Variants in LMNTD1 observed in about 807,000 individuals in gnomAD.
LMNTD1 encodes lamin tail domain-containing protein 1.
A neutral mutation model predicts 50.9 loss-of-function variants in LMNTD1; 35 were observed. That is an observed-to-expected ratio of 0.69 (90% confidence interval 0.53 to 0.91). The LOEUF (loss-of-function observed/expected upper bound fraction) is 0.91. Among genes scored for constraint, LMNTD1 ranks in the 40% least tolerant of loss-of-function variants. LMNTD1 has a pLI of 0.00. For missense variants in LMNTD1, 470 were observed against 475.5 expected (o/e 0.99, Z 0.11); for synonymous variants, 153 against 161.9 (o/e 0.94, Z 0.42).
intron 4 of LMNTD1, among the ~76,000 whole-genome samples, chr12:25,542,123 G>A (rs1480390990): frequency 6.6e-6 from 1 of 150,764 alleles, no homozygotes; most frequent in Non-Finnish European, 1.5e-5. Context: ...CACTGTTGGT[G>A]GGACTGTAAA....
intron 1 of LMNTD1, among the ~76,000 whole-genome samples, chr12:25,565,636 G>A (rs1307823924): frequency 6.6e-6 from 1 of 152,146 alleles, no homozygotes; most frequent in African/African-American, 2.4e-5. Context: ...CATTGTTACA[G>A]TGTTATAATG....
chr12:25,526,988 C>T (rs1467758924), intron 4 of LMNTD1, 33 bp from the exon 5 acceptor site: 2 of 1,498,836 alleles, frequency 1.3e-6, no homozygotes, highest in Non-Finnish European at 1.8e-6. Flanking sequence ...TGTAAGCTGC[C>T]TTCAGATAGG....
intron 9 of LMNTD1, among the ~76,000 whole-genome samples, chr12:25,490,994 T>C (rs1938863275): frequency 6.6e-6 from 1 of 152,226 alleles, no homozygotes; most frequent in South Asian, 2.1e-4. Context: ...AAATCAATAA[T>C]TGACTGAGGC....
In LMNTD1 at chr12:25,477,202, A is replaced by C. The variant is rs569562131; in HGVS notation, c.*23-742T>G. Among the ~76,000 whole-genome samples, 21 of 152,366 alleles carry C rather than the reference A, an allele frequency of 1.4e-4. No homozygotes were observed. In the East Asian group the frequency reaches 2.3e-3, roughly 17 times the overall value. On this transcript the variant is annotated intron_variant, in intron 9 of 9. Transcript: ENST00000458174. ...ATTATTTTTTAAAAGAAGTTTGTCA[A>C]TGAAGAGAGAATAAGATGGTAAAGA...
At chr12:25,537,967 G>T (rs1199600369) in intron 4 of LMNTD1, among the ~76,000 whole-genome samples, 2 of 149,448 alleles carry the variant, frequency 1.3e-5, no homozygotes, top group Admixed American at 6.7e-5. Flanking sequence ...GGAAGAAAGG[G>T]TATCAGCAAT....
chr12:25,509,916 A>G (rs1384677554), intron 8 of LMNTD1, among the ~76,000 whole-genome samples: 1 of 152,238 alleles, frequency 6.6e-6, no homozygotes, highest in African/African-American at 2.4e-5. Context: ...TGGCCTTGCC[A>G]ACACCTTGCT....
chr12:25,613,529 A>G (rs1329825471), intron 1 of LMNTD1, among the ~76,000 whole-genome samples: 1 of 152,196 alleles, frequency 6.6e-6, no homozygotes, highest in African/African-American at 2.4e-5. Flanking sequence ...CTCTATGATC[A>G]TGACTTACTT....
At chr12:25,602,021 A>G (rs1945990425) in intron 1 of LMNTD1, among the ~76,000 whole-genome samples, 1 of 151,948 alleles carries the variant, frequency 6.6e-6, no homozygotes, top group African/African-American at 2.4e-5. Flanking sequence ...TGCCTACTTT[A>G]TAATGTTAGA....
intron 1 of LMNTD1, among the ~76,000 whole-genome samples, chr12:25,622,735 T>G (rs1946502585): frequency 6.6e-6 from 1 of 152,174 alleles, no homozygotes; most frequent in South Asian, 2.1e-4. Context: ...CCTCACGTAT[T>G]CAGAGATGAT....
intron 4 of LMNTD1, among the ~76,000 whole-genome samples, chr12:25,542,712 AAAGTAT>A (rs1401668172): frequency 6.7e-6 from 1 of 148,766 alleles, no homozygotes; most frequent in African/African-American, 2.5e-5. Flanking sequence ...CCTAAAACTT[AAAGTAT>A]AATAAAAATA....
At chr12:25,648,462 T>C (rs1371150347) in intron 1 of LMNTD1, 1 of 1,536,454 alleles carries the variant, frequency 6.5e-7, no homozygotes, top group Non-Finnish European at 8.8e-7. Context: ...AATTGCCTGA[T>C]GGGGAAAATC....
At chr12:25,617,389 C>G (rs1270007099) in intron 1 of LMNTD1, among the ~76,000 whole-genome samples, 2 of 152,146 alleles carry the variant, frequency 1.3e-5, no homozygotes, top group Non-Finnish European at 2.9e-5. Flanking sequence ...TCAGTCAAAC[C>G]TATAAGGCAG....
In LMNTD1 at chr12:25,538,113, T is replaced by C. The variant is rs1159829494; in HGVS notation, c.491+8261A>G. Among the ~76,000 whole-genome samples, 4 of 108,110 alleles carry C rather than the reference T, an allele frequency of 3.7e-5. 1 individual carries two copies. The highest frequency in any genetic ancestry group is 8.4e-5 in the Non-Finnish European group (4 of 47,372). 70.9% of individuals were successfully genotyped at this position (108,110 alleles called of 152,430 possible). A position where few individuals can be genotyped will look rare whatever the true frequency, so the allele number is the denominator to read the frequency against. On this transcript the variant is annotated intron_variant, in intron 4 of 9. Transcript: ENST00000458174. ...TACGTCTGATTGGTGTACCTGAAAG[T>C]GATGGGGAGAATGGAACCAAGGTGG...
chr12:25,477,749 C>T (rs1938317278), intron 9 of LMNTD1, among the ~76,000 whole-genome samples: 1 of 151,916 alleles, frequency 6.6e-6, no homozygotes, highest in South Asian at 2.1e-4. Flanking sequence ...TATCACAGGG[C>T]ATGGTAATAG....
At chr12:25,519,586 T>TTAAAAAAAAAAAA (rs781742784) in intron 7 of LMNTD1, among the ~76,000 whole-genome samples, 3 of 74,940 alleles carry the variant, frequency 4.0e-5, no homozygotes, top group African/African-American at 1.3e-4. Context: ...AGACTCTGTC[T>TTAAAAAAAAAAAA]CAAAAAAAAA....
intron 1 of LMNTD1, among the ~76,000 whole-genome samples, chr12:25,576,969 T>C (rs1945048130): frequency 6.6e-6 from 1 of 152,184 alleles, no homozygotes; most frequent in African/African-American, 2.4e-5. Context: ...CATTGCTTGT[T>C]TTTCCCAGGT....
At chr12:25,527,385 A>C (rs7967951) in intron 4 of LMNTD1, among the ~76,000 whole-genome samples, 2,474 of 151,754 alleles carry the variant, frequency 0.016, 67 homozygotes, top group African/African-American at 0.057. Context: ...AGATTTTTGA[A>C]AGGTAAAAAC....
chr12:25,562,464 C>T (rs1944373245), intron 1 of LMNTD1, among the ~76,000 whole-genome samples: 1 of 152,176 alleles, frequency 6.6e-6, no homozygotes, highest in African/African-American at 2.4e-5. Context: ...AATATTGGCC[C>T]CCACTCTCTT....
intron 8 of LMNTD1, among the ~76,000 whole-genome samples, chr12:25,517,722 T>G (rs1337691345): frequency 8.4e-5 from 1 of 11,902 alleles, no homozygotes; most frequent in African/African-American, 1.4e-4. Context: ...ATAATAATAA[T>G]AATAATAATA....
Sources: allele counts gnomAD v4.1 joint callset (sites outside exome capture counted in the v4.1 genomes callset), GRCh38; gene constraint gnomAD v4.1.1; transcripts MANE v1.5; gene names NCBI Gene and HGNC (gene_info 2026-07-23, HGNC 2026-07-21).